The following SMYD2 variants were observed in gnomAD, a reference collection of about 807,000 sequenced individuals.
SMYD2 encodes the protein SET and MYND domain containing 2, also known as N-lysine methyltransferase SMYD2.
In SMYD2, 53 loss-of-function variants were observed where a neutral mutation model predicts 59.1. The observed-to-expected ratio is 0.90, with a 90% confidence interval of 0.72 to 1.13. The LOEUF (loss-of-function observed/expected upper bound fraction) is 1.13, where lower values mean the gene tolerates loss of function less well. Ranked by LOEUF, SMYD2 falls within the 50% of genes most tolerant of loss-of-function variation. SMYD2 has a pLI of 0.00. For missense variants in SMYD2, 494 were observed against 544.7 expected, an observed-to-expected ratio of 0.91 and a Z score of 0.93; for synonymous variants, 208 against 198.8, an observed-to-expected ratio of 1.05 and a Z score of -0.39.
At chr1:214,334,820 G>A (rs1657411218) in intron 11 of SMYD2, among the ~76,000 whole-genome samples, 1 of 152,158 alleles carries the variant, frequency 6.6e-6, no homozygotes, top group Admixed American at 6.5e-5. Flanking sequence ...AAGAAAGTGA[G>A]GTTCAAGCAG....
Position 214,281,440 on chromosome 1 carries a change from C to CGGT in SMYD2, c.173+15_173+16insTGG, listed in dbSNP as rs1656442606. ...ACTGCTTCACCAGGTAGGGCGGCGG[C>CGGT]GGCGGCGGCGGCGGGCGGGAGCCGG... On this transcript the variant is annotated intron_variant, in intron 1 of 11. Coordinates refer to ENST00000366957, the MANE Select transcript of SMYD2 (RefSeq NM_020197.3). The CGGT allele has an allele frequency of 1.5e-5, 21 of 1,383,878 alleles. No homozygotes were observed. Among genetic ancestry groups the CGGT allele is most frequent in the Middle Eastern group, 4.5e-4 (2 of 4,396 alleles). 85.7% of individuals were successfully genotyped at this position (1,383,878 alleles called of 1,614,324 possible).
At chr1:214,326,210 C>T (rs1657258781) in intron 6 of SMYD2, among the ~76,000 whole-genome samples, 2 of 147,372 alleles carry the variant, frequency 1.4e-5, no homozygotes, top group Non-Finnish European at 3.0e-5. Flanking sequence ...TGCACTCCAG[C>T]CTGGACAACA....
At chr1:214,304,225 G>A (rs139865395) in intron 1 of SMYD2, among the ~76,000 whole-genome samples, 4 of 152,002 alleles carry the variant, frequency 2.6e-5, no homozygotes, top group Non-Finnish European at 5.9e-5. Context: ...GACAAAATGG[G>A]TATGTATAGC....
chr1:214,331,100 TTA>T, intron 9 of SMYD2, 30 bp downstream of exon 9: 3 of 1,608,260 alleles, frequency 1.9e-6, no homozygotes, highest in Non-Finnish European at 2.6e-6. Flanking sequence ...TGATAGCTTA[TTA>T]TCCCTCGCCA....
intron 6 of SMYD2, among the ~76,000 whole-genome samples, chr1:214,326,769 G>T (rs1170724489): frequency 6.6e-6 from 1 of 152,112 alleles, no homozygotes; most frequent in African/African-American, 2.4e-5. Flanking sequence ...TCTCTGGAGG[G>T]TCAGGGAGGT....
In SMYD2 at chr1:214,318,145, T is replaced by G. The variant is rs1657114311; in HGVS notation, c.409+6T>G. 6.2e-7 allele frequency: 1 copy of G among 1,613,606 alleles called. No homozygotes were observed. Among genetic ancestry groups the G allele is most frequent in the Non-Finnish European group, 8.5e-7 (1 of 1,179,874 alleles). On this transcript the variant is annotated splice_donor_region_variant and intron_variant, in intron 4 of 11. Transcript: ENST00000366957. This position sits in a 1 kb window ranked among gnomAD's most constrained non-coding sequence, Gnocchi z 5.4. Reference sequence around the variant, plus strand: ...TGTGAAGGAGTTTGAATCACGTAAGTCTTTCTGTGACCAGCCGCGCAGTTC... The same window carrying G: ...TGTGAAGGAGTTTGAATCACGTAAGGCTTTCTGTGACCAGCCGCGCAGTTC...
chr1:214,312,211 G>T lies in SMYD2; in HGVS notation c.238-2551G>T, dbSNP rs1001176300. Among the ~76,000 whole-genome samples, 5 of 152,112 alleles carry T rather than the reference G, an allele frequency of 3.3e-5. No homozygotes were observed. The highest frequency in any genetic ancestry group is 4.8e-5 in the African/African-American group (2 of 41,416). ...TCTTGGCCCAGAACTTGAGCTAAGG[G>T]GCTGCACCATAGACTGCATTAAATC... On this transcript the variant is annotated intron_variant, in intron 2 of 11. Transcript: ENST00000366957. This position sits in a 1 kb window ranked among gnomAD's most constrained non-coding sequence, Gnocchi z 4.1.
Position 214,320,770 on chromosome 1 carries a change from T to C in SMYD2, c.534+1787T>C, listed in dbSNP as rs116944587. ...TGTGACTGTCATAATCAGAAAAATA[T>C]GCGATTCCTTGTAGGTGAAAAGGTG... On this transcript the variant is annotated intron_variant, in intron 5 of 11. Transcript: ENST00000366957. Among the ~76,000 whole-genome samples the C allele has an allele frequency of 7.7e-4, 117 of 152,360 alleles. 2 individuals are homozygous for C. In the East Asian group the frequency reaches 0.016, roughly 21 times the overall value.
chr1:214,287,393 C>T (rs1010593494), intron 1 of SMYD2, among the ~76,000 whole-genome samples: 5 of 151,518 alleles, frequency 3.3e-5, no homozygotes, highest in African/African-American at 1.2e-4. Context: ...TTGAGACCAG[C>T]CTGACCAACA....
At chr1:214,288,247 C>T (rs990269584) in intron 1 of SMYD2, among the ~76,000 whole-genome samples, 1 of 152,210 alleles carries the variant, frequency 6.6e-6, no homozygotes, top group Non-Finnish European at 1.5e-5. Flanking sequence ...TTTCCAGATA[C>T]ATTCTTATTT....
At chr1:214,324,762 G>T (rs1482668551) in intron 6 of SMYD2, 54 bp downstream of exon 6, 6 of 1,512,546 alleles carry the variant, frequency 4.0e-6, no homozygotes, top group Middle Eastern at 1.7e-4. Context: ...ACACTAATTT[G>T]ATTTTTTTTT....
intron 2 of SMYD2, among the ~76,000 whole-genome samples, chr1:214,305,513 A>G (rs765031811): frequency 6.6e-6 from 1 of 152,256 alleles, no homozygotes; most frequent in Non-Finnish European, 1.5e-5. Flanking sequence ...AGTCTGCCCC[A>G]AGGACTGCAG....
At chr1:214,329,229 G>A (rs1250255413) in intron 7 of SMYD2, among the ~76,000 whole-genome samples, 3 of 152,154 alleles carry the variant, frequency 2.0e-5, no homozygotes, top group Admixed American at 6.5e-5. Flanking sequence ...AGGGTTTCGG[G>A]GTGAGCTGCA....
chr1:214,297,439 G>A (rs555616200), intron 1 of SMYD2, among the ~76,000 whole-genome samples: 2 of 152,190 alleles, frequency 1.3e-5, no homozygotes, highest in African/African-American at 2.4e-5. Context: ...TTGTAGGAAC[G>A]GAGTTTGTTC....
chr1:214,305,165 C>T (rs376133245), intron 1 of SMYD2, 22 bp from the exon 2 acceptor site: 4 of 1,611,838 alleles, frequency 2.5e-6, no homozygotes, highest in African/African-American at 2.7e-5. Flanking sequence ...GTCACCACTA[C>T]AGTGCCCTTT....
At chr1:214,314,948 C>T (rs1040062605) in intron 3 of SMYD2, 76 bp downstream of exon 3, 1 of 1,077,246 alleles carries the variant, frequency 9.3e-7, no homozygotes, top group Non-Finnish European at 1.4e-6. Context: ...AGTAACTGAC[C>T]TTTGGTAACC....
chr1:214,327,667 C>T lies in SMYD2; in HGVS notation c.648C>T (p.Thr216=). ...GCTGTTGCCCCAATGTCATTGTGAC[C>T]TACAAAGGGACCCTGGCAGAAGTCA... ...NHSCCPNVIV[T]YKGTLAEVRA... is the part of the protein sequence containing the mutation. Residue 216 remains threonine (T), a synonymous_variant, in exon 7 of 12, where the codon ACC becomes ACT. Transcript: ENST00000366957. 1 of 1,614,158 alleles carries T rather than the reference C, an allele frequency of 6.2e-7. No homozygotes were observed.
At chr1:214,306,108 C>T (rs1247838550) in intron 2 of SMYD2, among the ~76,000 whole-genome samples, 5 of 152,116 alleles carry the variant, frequency 3.3e-5, no homozygotes, top group Admixed American at 3.3e-4. Context: ...CCTATTAATA[C>T]ACCTTGAGAA....
rs576893279 is a variant in SMYD2, at chr1:214,334,119, C to G, written c.1113-81C>G. On this transcript the variant is annotated intron_variant, in intron 10 of 11. Transcript: ENST00000366957. ...CAGAGGTTGGCCCTAAGCATGGCAG[C>G]CTCCGGCTTACTGCACCCAGCCTGT... 9.1e-6 allele frequency: 12 copies of G among 1,313,106 alleles called. 1 individual carries two copies. In the South Asian group the frequency reaches 1.5e-4, roughly 16 times the overall value. 81.3% of individuals were successfully genotyped at this position (1,313,106 alleles called of 1,614,324 possible). A position where few individuals can be genotyped will look rare whatever the true frequency, so the allele number is the denominator to read the frequency against.
Sources: gnomAD v4.1 joint callset for allele counts (sites outside exome capture counted in the v4.1 genomes callset) on GRCh38, gnomAD v4.1.1 for gene constraint, Gnocchi (gnomAD v3.1) non-coding constraint, MANE v1.5 for transcripts, NCBI Gene and HGNC (gene_info 2026-07-23, HGNC 2026-07-21) for gene names.